The following HSF2BP variants were observed in gnomAD, a reference collection of about 807,000 sequenced individuals.
HSF2BP encodes heat shock transcription factor 2 binding protein.
Under a neutral mutation model 35.0 loss-of-function variants are expected in HSF2BP, and 35 were observed. The observed-to-expected ratio is 1.00, with a 90% CI of 0.76 to 1.32. The LOEUF is 1.32. Ranked by LOEUF, HSF2BP falls within the 40% of genes most tolerant of loss-of-function variation. The pLI is 0.00. For missense variants in HSF2BP, 326 were observed against 321.7 expected (o/e 1.01, Z -0.10); for synonymous variants, 114 against 117.4 (o/e 0.97, Z 0.18).
chr21:43,650,037 G>A (rs1224098961), intron 3 of HSF2BP, among the ~76,000 whole-genome samples: 2 of 152,184 alleles, frequency 1.3e-5, no homozygotes, highest in African/African-American at 4.8e-5. Context: ...TGCTGAAAGT[G>A]ATCATCCAAG....
chr21:43,593,487 C>A lies in HSF2BP; in HGVS notation c.693-1159G>T, dbSNP rs141932241. On this transcript the variant is annotated intron_variant, in intron 7 of 8. Transcript: ENST00000291560. ...AAGACCAGGTAAGCAACAGCCAGCA[C>A]AAAGAACCAATAACAGGGCTAGAAC... is the stretch of plus-strand genomic sequence containing the variant. Among the ~76,000 whole-genome samples the A allele has an allele frequency of 8.3e-3, 1,267 of 152,118 alleles. 19 individuals are homozygous for A. The highest frequency in any genetic ancestry group is 0.027 in the African/African-American group (1,135 of 41,464).
intron 4 of HSF2BP, among the ~76,000 whole-genome samples, chr21:43,641,260 A>G (rs1039621113): frequency 3.3e-5 from 5 of 152,022 alleles, no homozygotes; most frequent in Non-Finnish European, 7.4e-5. Context: ...CAGCCTCCCA[A>G]AGTGCTGGGA....
At chr21:43,598,754 A>G (rs1295762726) in intron 7 of HSF2BP, among the ~76,000 whole-genome samples, 1 of 152,204 alleles carries the variant, frequency 6.6e-6, no homozygotes, top group African/African-American at 2.4e-5. Flanking sequence ...GGCTACTCAA[A>G]TGTAGTGTTC....
chr21:43,612,612 C>G (rs2082221464), intron 7 of HSF2BP, among the ~76,000 whole-genome samples: 1 of 144,268 alleles, frequency 6.9e-6, no homozygotes, highest in African/African-American at 2.6e-5. Context: ...GATCACGCCA[C>G]TGCACTCCAG....
In HSF2BP at chr21:43,633,355, A is replaced by T; in HGVS notation, c.358T>A (p.Cys120Ser). Residue 120 changes from cysteine to serine, a missense_variant, in exon 5 of 9, where the codon TGT becomes AGT. By Grantham distance (112) the Cys-to-Ser change is moderately radical. Transcript: ENST00000291560. ...KQQLLQQAEY[C>S]TEMGAAACTL... ...CACGCTGCTGCTCCCATTTCTGTAC[A>T]ATACTCTGCCTGCTGCAGGAGTTGC... The T allele has an allele frequency of 1.2e-6, 2 of 1,614,092 alleles. No individual in the cohort carries two copies. The highest frequency in any genetic ancestry group is 1.7e-6 in the Non-Finnish European group (2 of 1,179,970).
At chr21:43,635,037 A>T (rs1007680775) in intron 4 of HSF2BP, among the ~76,000 whole-genome samples, 2 of 152,136 alleles carry the variant, frequency 1.3e-5, no homozygotes, top group African/African-American at 4.8e-5. Context: ...TTGCAGGAGG[A>T]TATTCCCCAA....
intron 3 of HSF2BP, among the ~76,000 whole-genome samples, chr21:43,646,043 C>T (rs903654180): frequency 9.2e-5 from 14 of 151,418 alleles, no homozygotes; most frequent in African/African-American, 3.4e-4. Context: ...GGGCCCGGCT[C>T]GGTGGCTTAT....
rs766148642 is a variant in HSF2BP, at chr21:43,633,368, C to A, written c.345G>T (p.Gln115His). 1 of 1,613,926 alleles carries A rather than the reference C, an allele frequency of 6.2e-7. No homozygotes were observed. Among genetic ancestry groups the A allele is most frequent in the East Asian group, 2.2e-5 (1 of 44,854 alleles). ...QLNEAKQQLLQQAEYCTEMGA... is the reference protein window; with the variant it reads ...QLNEAKQQLLHQAEYCTEMGA... ...CCATTTCTGTACAATACTCTGCCTG[C>A]TGCAGGAGTTGCTGCTTCGCTTCAT... The change falls in exon 5 of 9, where the codon CAG (glutamine) becomes CAT (histidine). Residue 115 changes from glutamine to histidine, a missense_variant. By Grantham distance (24) the Gln-to-His change is conservative. Transcript: ENST00000291560.
rs1290927792 is a variant in HSF2BP, at chr21:43,658,068, G to A, written c.29C>T (p.Ala10Val). Residue 10 changes from alanine (A) to valine (V), a missense_variant, in exon 2 of 9, where the codon GCC (alanine) becomes GTC (valine). Ala to Val is a moderately conservative substitution (Grantham distance 64). Coordinates refer to ENST00000291560, the MANE Select transcript of HSF2BP (RefSeq NM_007031.2). ...CAGGGCTTCCTCACTAACCCGGCAGGCCTCCTCAGCGGCGCCCGCTTCGCC... is the reference window on the plus strand; with the variant it reads ...CAGGGCTTCCTCACTAACCCGGCAGACCTCCTCAGCGGCGCCCGCTTCGCC... MGEAGAAEEACRHMGTKEEF... is the reference protein window; with the variant it reads MGEAGAAEEVCRHMGTKEEF... 18 of 1,535,546 alleles carry A rather than the reference G, an allele frequency of 1.2e-5. No individual in the cohort carries two copies. Among genetic ancestry groups the A allele is most frequent in the Admixed American group, 7.9e-5 (4 of 50,900 alleles).
chr21:43,612,729 T>C (rs2082223955), intron 7 of HSF2BP, among the ~76,000 whole-genome samples: 1 of 149,684 alleles, frequency 6.7e-6, no homozygotes, highest in Non-Finnish European at 1.5e-5. Flanking sequence ...CTCAGGAGGC[T>C]GAGGTGGAAG....
At chr21:43,622,041 G>A (rs1384312422) in intron 6 of HSF2BP, among the ~76,000 whole-genome samples, 6 of 152,006 alleles carry the variant, frequency 3.9e-5, no homozygotes, top group African/African-American at 1.5e-4. Context: ...TAAAGTATAG[G>A]GGTATTTTTA....
chr21:43,582,439 T>G (rs1273941391), intron 8 of HSF2BP, among the ~76,000 whole-genome samples: 46 of 76,600 alleles, frequency 6.0e-4, no homozygotes, highest in African/African-American at 7.2e-4. Context: ...GGGAGATGAG[T>G]ACCTGTTGAG....
chr21:43,616,504 G>A (rs898163512), intron 6 of HSF2BP, among the ~76,000 whole-genome samples: 4 of 152,126 alleles, frequency 2.6e-5, no homozygotes, highest in Non-Finnish European at 4.4e-5. Flanking sequence ...TTAGCCAGGC[G>A]TCGTGGCTTA....
chr21:43,609,803 G>C (rs897271414), intron 7 of HSF2BP: 7 of 152,360 alleles, frequency 4.6e-5, no homozygotes, highest in African/African-American at 1.4e-4. Flanking sequence ...TGCATGCTGA[G>C]ATCCCGAGTC....
At chr21:43,598,389 G>GGT (rs1555860184) in intron 7 of HSF2BP, among the ~76,000 whole-genome samples, 1 of 143,342 alleles carries the variant, frequency 7.0e-6, no homozygotes, top group Non-Finnish European at 1.5e-5. Context: ...GGGTTTTTTT[G>GGT]TTTTTTTTTT....
intron 7 of HSF2BP, among the ~76,000 whole-genome samples, chr21:43,600,768 C>T (rs2082042165): frequency 6.6e-6 from 1 of 152,186 alleles, no homozygotes; most frequent in Non-Finnish European, 1.5e-5. Context: ...GAAAGAAACC[C>T]TATAACCAGA....
chr21:43,626,038 C>T (rs1287763841), intron 6 of HSF2BP, among the ~76,000 whole-genome samples: 1 of 152,178 alleles, frequency 6.6e-6, no homozygotes, highest in Non-Finnish European at 1.5e-5. Flanking sequence ...TGTTAAAAGA[C>T]AACCTTCAAA....
intron 7 of HSF2BP, among the ~76,000 whole-genome samples, chr21:43,602,725 CTG>C (rs1468432209): frequency 6.6e-6 from 1 of 152,212 alleles, no homozygotes. Context: ...GTGAAATGCA[CTG>C]TGTCAGTTAC....
intron 5 of HSF2BP, among the ~76,000 whole-genome samples, chr21:43,631,983 C>CCACACA (rs72406175): frequency 2.1e-5 from 2 of 93,530 alleles, no homozygotes; most frequent in East Asian, 6.6e-4. Flanking sequence ...CACACGCTCC[C>CCACACA]CACACACACA....
Sources: gnomAD v4.1 joint callset for allele counts (sites outside exome capture counted in the v4.1 genomes callset) on GRCh38, gnomAD v4.1.1 for gene constraint, MANE v1.5 for transcripts, NCBI Gene and HGNC (gene_info 2026-07-23, HGNC 2026-07-21) for gene names.